The following RNLS variants were observed in gnomAD, a reference collection of about 807,000 sequenced individuals.
RNLS encodes renalase, FAD dependent amine oxidase.
In RNLS, 39 loss-of-function variants were observed where a neutral mutation model predicts 39.8. The ratio of observed to expected loss-of-function variants is 0.98; its 90% CI spans 0.76 to 1.28. The LOEUF is 1.28. Ranked by LOEUF, RNLS falls within the 50% of genes most tolerant of loss-of-function variation. RNLS has a pLI of 0.00. For synonymous variants in RNLS, 147 were observed against 150.7 expected (o/e 0.98, Z 0.18); for missense variants, 410 against 413.3 (o/e 0.99, Z 0.07).
chr10:88,202,795 C>T, the RNLS span, among the ~76,000 whole-genome samples: 16 of 152,270 alleles, frequency 1.1e-4, no homozygotes, highest in African/African-American at 3.1e-4. Flanking sequence ...TTCACCTCAT[C>T]GTGTACACAG....
At chr10:88,323,101 GAAC>G (rs1204890164) in intron 5 of RNLS, among the ~76,000 whole-genome samples, 1 of 151,996 alleles carries the variant, frequency 6.6e-6, no homozygotes, top group Non-Finnish European at 1.5e-5. Context: ...TATACAAGGA[GAAC>G]AACAGAATAC....
chr10:88,564,176 T>C (rs1849357981), intron 4 of RNLS, among the ~76,000 whole-genome samples: 1 of 152,176 alleles, frequency 6.6e-6, no homozygotes, highest in South Asian at 2.1e-4. Flanking sequence ...TTTTATTACA[T>C]CTTTGCTATC....
At chr10:88,555,769 A>G (rs911921566) in intron 4 of RNLS, among the ~76,000 whole-genome samples, 1 of 152,054 alleles carries the variant, frequency 6.6e-6, no homozygotes, top group Non-Finnish European at 1.5e-5. Flanking sequence ...CTCCTTCTTC[A>G]AACACTTTCT....
intron 4 of RNLS, among the ~76,000 whole-genome samples, chr10:88,517,319 G>C (rs1846460396): frequency 6.6e-6 from 1 of 151,858 alleles, no homozygotes; most frequent in African/African-American, 2.4e-5. Context: ...ATACTTATTT[G>C]ATGCACCATT....
chr10:88,575,982 G>A (rs1227102047), intron 3 of RNLS, among the ~76,000 whole-genome samples: 1 of 152,188 alleles, frequency 6.6e-6, no homozygotes. Context: ...CCAATTTGAT[G>A]TGTCCACTGC....
chr10:88,563,477 T>C (rs1310215666), intron 4 of RNLS, among the ~76,000 whole-genome samples: 2 of 152,186 alleles, frequency 1.3e-5, no homozygotes, highest in African/African-American at 4.8e-5. Context: ...ACATGAATAT[T>C]CACTGGCACT....
intron 5 of RNLS, among the ~76,000 whole-genome samples, chr10:88,320,444 C>G (rs774510350): frequency 4.0e-5 from 6 of 149,588 alleles, no homozygotes; most frequent in Admixed American, 1.3e-4. Flanking sequence ...CCTCACATAT[C>G]AATATTAACC....
intron 4 of RNLS, among the ~76,000 whole-genome samples, chr10:88,570,162 C>T (rs953706993): frequency 6.6e-6 from 1 of 152,196 alleles, no homozygotes; most frequent in Non-Finnish European, 1.5e-5. Context: ...ACAGCTCAAT[C>T]ACTCTCATGG....
chr10:88,525,145 A>T lies in RNLS; in HGVS notation c.526+47758T>A, dbSNP rs190314206. On this transcript the variant is annotated intron_variant, in intron 4 of 6. Transcript: ENST00000331772. ...GTTTGTGTGTATGTGTGTGTATAAG[A>T]GACACTTAAACCAAACATTTAATAC... is the stretch of plus-strand genomic sequence containing the variant. Among the ~76,000 whole-genome samples, 18 of 151,682 alleles carry T rather than the reference A, an allele frequency of 1.2e-4. No individual in the cohort carries two copies. In the East Asian group the frequency reaches 3.5e-3, roughly 29 times the overall value.
At chr10:88,361,309 T>C (rs554056350) in intron 5 of RNLS, among the ~76,000 whole-genome samples, 3 of 152,362 alleles carry the variant, frequency 2.0e-5, no homozygotes, top group African/African-American at 7.2e-5. Flanking sequence ...ATTCAGTCCA[T>C]AGCAGATAAT....
intron 3 of RNLS, among the ~76,000 whole-genome samples, chr10:88,580,848 T>A (rs1023131701): frequency 7.2e-5 from 11 of 152,160 alleles, no homozygotes; most frequent in African/African-American, 2.4e-4. Context: ...TATACCCAAA[T>A]GTGGGGAAAG....
chr10:88,525,234 T>C (rs1328993888), intron 4 of RNLS, among the ~76,000 whole-genome samples: 1 of 151,608 alleles, frequency 6.6e-6, no homozygotes, highest in African/African-American at 2.4e-5. Context: ...TAATATGAAA[T>C]ATATTCTATG....
the RNLS span, among the ~76,000 whole-genome samples, chr10:88,225,984 C>G: frequency 6.6e-6 from 1 of 151,916 alleles, no homozygotes; most frequent in Non-Finnish European, 1.5e-5. Flanking sequence ...ACTATTACTA[C>G]TGGAGTGTTT....
the RNLS span, among the ~76,000 whole-genome samples, chr10:88,248,833 G>A: frequency 6.6e-6 from 1 of 152,162 alleles, no homozygotes; most frequent in Non-Finnish European, 1.5e-5. Flanking sequence ...TTTCTTGTCC[G>A]TACAGTGGGG....
chr10:88,514,623 T>G (rs1846311685), intron 4 of RNLS, among the ~76,000 whole-genome samples: 1 of 152,084 alleles, frequency 6.6e-6, no homozygotes, highest in South Asian at 2.1e-4. Context: ...TTTTCTTGCG[T>G]TTGACTCTTT....
rs182134301 is a variant in RNLS at position 88,329,700 on chromosome 10, T to G, written c.701-15059A>C. Among the ~76,000 whole-genome samples, 50 of 152,288 alleles carry G rather than the reference T, an allele frequency of 3.3e-4. No individual in the cohort carries two copies. In the East Asian group the frequency reaches 8.9e-3, roughly 27 times the overall value. On this transcript the variant is annotated intron_variant, in intron 5 of 6. Coordinates refer to ENST00000331772, the MANE Select transcript of RNLS (RefSeq NM_001031709.3). ...CTATTTTCAGTATTTTCTATCTCTA[T>G]CTCTCCATGCTAAATTCTGTGTAAT...
chr10:88,362,744 A>C lies in RNLS; in HGVS notation c.527-19T>G. 8 of 1,605,862 alleles carry C rather than the reference A, an allele frequency of 5.0e-6. No homozygotes were observed. The highest frequency in any genetic ancestry group is 5.9e-6 in the Non-Finnish European group (7 of 1,176,482). ...CTAATTACTGTGGAAGAAAAAATAA[A>C]AGGCATCAAACTTAAAAATACCATC... On this transcript the variant is annotated intron_variant, in intron 4 of 6. Coordinates refer to ENST00000331772, the MANE Select transcript of RNLS (RefSeq NM_001031709.3).
At chr10:88,235,840 GT>G in the RNLS span, among the ~76,000 whole-genome samples, 1 of 149,070 alleles carries the variant, frequency 6.7e-6, no homozygotes, top group African/African-American at 2.5e-5. Context: ...TTGTTTTTTT[GT>G]TTTTTTTTGA....
chr10:88,235,263 A>C, the RNLS span, among the ~76,000 whole-genome samples: 1 of 79,616 alleles, frequency 1.3e-5, no homozygotes, highest in African/African-American at 4.0e-5. Context: ...GCGAGACTCT[A>C]TCTCAAAAAA....
Sources: allele counts gnomAD v4.1 joint callset (sites outside exome capture counted in the v4.1 genomes callset), GRCh38; gene constraint gnomAD v4.1.1; transcripts MANE v1.5; gene names NCBI Gene and HGNC (gene_info 2026-07-23, HGNC 2026-07-21).